The following KCNIP4 variants were observed in gnomAD, a reference collection of about 807,000 sequenced individuals.
KCNIP4 encodes potassium voltage-gated channel interacting protein 4, also known as Kv channel-interacting protein 4.
KCNIP4 carries 12 observed loss-of-function variants against 34.0 expected under a neutral mutation model. The observed-to-expected ratio is 0.35, with a 90% CI of 0.23 to 0.57. KCNIP4 has a LOEUF of 0.57. KCNIP4 is among the 20% of genes least tolerant of loss of function. The pLI is 0.83. For missense variants in KCNIP4, 238 were observed against 311.7 expected (o/e 0.76, Z 1.78); for synonymous variants, 124 against 102.2 (o/e 1.21, Z -1.29).
intron 1 of KCNIP4, among the ~76,000 whole-genome samples, chr4:21,137,708 G>A (rs557111982): frequency 6.6e-6 from 1 of 152,076 alleles, no homozygotes; most frequent in Admixed American, 6.6e-5. Context: ...ATACAGTTAT[G>A]ATGAGATTAC....
At chr4:21,445,710 G>A (rs187460595) in intron 1 of KCNIP4, among the ~76,000 whole-genome samples, 230 of 152,080 alleles carry the variant, frequency 1.5e-3, no homozygotes, top group Non-Finnish European at 1.8e-3. Context: ...GGACATAGGC[G>A]TGGGCAAAGA....
intron 1 of KCNIP4, among the ~76,000 whole-genome samples, chr4:21,235,662 T>A (rs1288588221): frequency 6.6e-6 from 1 of 152,218 alleles, no homozygotes; most frequent in African/African-American, 2.4e-5. Flanking sequence ...TCATAAACTG[T>A]CAGCTTATTT....
chr4:21,873,182 T>C (rs1725909971), intron 1 of KCNIP4, among the ~76,000 whole-genome samples: 1 of 152,202 alleles, frequency 6.6e-6, no homozygotes, highest in Non-Finnish European at 1.5e-5. Context: ...TTAAATTAAT[T>C]TATTCAACAA....
intron 1 of KCNIP4, among the ~76,000 whole-genome samples, chr4:21,015,516 G>C (rs1257276506): frequency 8.7e-6 from 1 of 114,902 alleles, no homozygotes; most frequent in African/African-American, 3.4e-5. Flanking sequence ...CACAGATGCA[G>C]CTATATATAA....
intron 3 of KCNIP4, among the ~76,000 whole-genome samples, chr4:20,805,265 G>T (rs1714933549): frequency 7.2e-6 from 1 of 138,772 alleles, no homozygotes; most frequent in Non-Finnish European, 1.5e-5. Context: ...TGAACTCCTG[G>T]AGTAAAGAGA....
intron 1 of KCNIP4, among the ~76,000 whole-genome samples, chr4:21,240,475 C>T (rs1759727544): frequency 1.3e-5 from 2 of 152,116 alleles, no homozygotes; most frequent in Non-Finnish European, 1.5e-5. Flanking sequence ...AGATAACAGA[C>T]CCCATGTAGC....
At chr4:21,328,846 C>T (rs1435692183) in intron 1 of KCNIP4, among the ~76,000 whole-genome samples, 1 of 152,228 alleles carries the variant, frequency 6.6e-6, no homozygotes, top group Admixed American at 6.5e-5. Flanking sequence ...AGAGGAGTCT[C>T]TTCCCTAGGC....
chr4:21,299,434 C>G (rs564472361), intron 1 of KCNIP4, among the ~76,000 whole-genome samples: 66 of 151,942 alleles, frequency 4.3e-4, no homozygotes, highest in Admixed American at 9.9e-4. Context: ...AAAGATGAAC[C>G]ATAAGAGACC....
intron 3 of KCNIP4, among the ~76,000 whole-genome samples, chr4:20,794,291 C>T (rs778593633): frequency 9.9e-5 from 15 of 152,210 alleles, no homozygotes; most frequent in South Asian, 8.3e-4. Context: ...TGATAGGAGT[C>T]GGAGCTCAGG....
chr4:21,293,546 G>T (rs1362004601), intron 1 of KCNIP4, among the ~76,000 whole-genome samples: 1 of 152,106 alleles, frequency 6.6e-6, no homozygotes, highest in Non-Finnish European at 1.5e-5. Context: ...AAGTCTAAAT[G>T]GCCACAGAGA....
intron 1 of KCNIP4, among the ~76,000 whole-genome samples, chr4:20,892,854 T>C (rs1016949322): frequency 6.6e-6 from 1 of 152,220 alleles, no homozygotes; most frequent in African/African-American, 2.4e-5. Flanking sequence ...GGCATCAATT[T>C]TCCTTGGGAT....
At chr4:21,214,431 C>T (rs1243388953) in intron 1 of KCNIP4, among the ~76,000 whole-genome samples, 3 of 151,922 alleles carry the variant, frequency 2.0e-5, no homozygotes, top group African/African-American at 7.2e-5. Flanking sequence ...ACTTCCCCGT[C>T]AAAAAAAATT....
intron 1 of KCNIP4, among the ~76,000 whole-genome samples, chr4:21,060,429 T>A (rs1013412213): frequency 6.6e-6 from 1 of 152,182 alleles, no homozygotes; most frequent in Non-Finnish European, 1.5e-5. Flanking sequence ...GGCATCAGAC[T>A]GGATGTTACA....
At chr4:21,006,303 G>A (rs1008310508) in intron 1 of KCNIP4, among the ~76,000 whole-genome samples, 2 of 152,144 alleles carry the variant, frequency 1.3e-5, no homozygotes, top group African/African-American at 2.4e-5. Context: ...AATAAAACAG[G>A]GTAAGGTAAT....
Position 21,074,633 on chromosome 4 carries a change from C to T in KCNIP4, c.62-191924G>A, listed in dbSNP as rs559530769. On this transcript the variant is annotated intron_variant, in intron 1 of 8. Transcript: ENST00000382152. ...TTTGAAGGGTTTTTTGTGTCTCTGT[C>T]TCCTTCAGTTCTGCTCTGATCTTAG... 2.0e-3 allele frequency among the ~76,000 whole-genome samples: 307 copies of T among 152,178 alleles called. 1 individual carries two copies. Among genetic ancestry groups the T allele is most frequent in the African/African-American group, 6.9e-3 (287 of 41,562 alleles).
intron 1 of KCNIP4, among the ~76,000 whole-genome samples, chr4:21,047,369 T>C (rs914825941): frequency 9.8e-5 from 15 of 152,340 alleles, no homozygotes; most frequent in Non-Finnish European, 1.9e-4. Flanking sequence ...GTCTTCAATA[T>C]GGCTTATAAT....
At chr4:21,104,382 C>T (rs1221040363) in intron 1 of KCNIP4, among the ~76,000 whole-genome samples, 92 of 152,090 alleles carry the variant, frequency 6.0e-4, no homozygotes, top group Admixed American at 1.0e-3. Context: ...GTTGGCTGCA[C>T]AAATGTCTTC....
In KCNIP4 at chr4:20,734,698, G is replaced by A; in HGVS notation, c.467C>T (p.Thr156Ile). 2 of 1,595,554 alleles carry A rather than the reference G, an allele frequency of 1.3e-6. No homozygotes were observed. Among genetic ancestry groups the A allele is most frequent in the Non-Finnish European group, 1.7e-6 (2 of 1,171,356 alleles). The change falls in exon 6 of 9, where the codon ACA becomes ATA. Residue 156 changes from threonine (T) to isoleucine (I), a missense_variant. Coordinates refer to ENST00000382152, the MANE Select transcript of KCNIP4 (RefSeq NM_025221.6). ...IKGLSILLRG[T>I]VQEKLNWAFN... is the part of the protein sequence containing the mutation. ...TGCCCAATTGAGTTTTTCTTGTACT[G>A]TCCCCCGGAGCAAAATGGAAAGACC... is the stretch of plus-strand genomic sequence containing the variant.
At chr4:21,741,905 C>T (rs6448073) in intron 1 of KCNIP4, among the ~76,000 whole-genome samples, 94,861 of 151,800 alleles carry the variant, frequency 0.62, 31,118 homozygotes, top group African/African-American at 0.77. Context: ...GGCATGGTGA[C>T]GCACGCCTGC....
Sources: allele counts gnomAD v4.1 joint callset (sites outside exome capture counted in the v4.1 genomes callset), GRCh38; gene constraint gnomAD v4.1.1; transcripts MANE v1.5; gene names NCBI Gene and HGNC (gene_info 2026-07-23, HGNC 2026-07-21).